The following TENM2 variants were observed in gnomAD, a reference collection of about 807,000 sequenced individuals.
TENM2 encodes teneurin-2.
A neutral mutation model predicts 245.2 loss-of-function variants in TENM2; 52 were observed. The observed-to-expected ratio is 0.21, with a 90% CI of 0.17 to 0.27. TENM2 has a LOEUF of 0.27. Among genes scored for constraint, TENM2 ranks in the 10% least tolerant of loss-of-function variants. TENM2 has a pLI of 1.00. For synonymous variants in TENM2, 1,363 were observed against 1,438.9 expected, an observed-to-expected ratio of 0.95 and a Z score of 1.19; for missense variants, 3,046 against 3,666.8, an observed-to-expected ratio of 0.83 and a Z score of 4.37.
At position 168,030,158 on chromosome 5, in the gene TENM2, C is replaced by CTTTTTTTTTTTTTTTTTTTTTTTT. The variant is rs540326142; in HGVS notation, c.1187-17263_1187-17240dup. On this transcript the variant is annotated intron_variant, in intron 5 of 28. Coordinates refer to ENST00000518659, the Ensembl canonical transcript of TENM2. ...CTTTGGCCCAAGTCTGGTTCTGGCT[C>CTTTTTTTTTTTTTTTTTTTTTTTT]TTTTTTTTTTTTTTTTTTTTTTTTT... 4.3e-4 allele frequency among the ~76,000 whole-genome samples: 28 copies of CTTTTTTTTTTTTTTTTTTTTTTTT among 65,288 alleles called. 1 individual carries two copies. Among genetic ancestry groups the CTTTTTTTTTTTTTTTTTTTTTTTT allele is most frequent in the East Asian group, 2.7e-3 (3 of 1,130 alleles). 42.8% of individuals were successfully genotyped at this position (65,288 alleles called of 152,430 possible). A position where few individuals can be genotyped will look rare whatever the true frequency, so the allele number is the denominator to read the frequency against.
intron 5 of TENM2, among the ~76,000 whole-genome samples, chr5:168,030,167 T>TTTTTTTTTTTTTTTTC (rs1786995506): frequency 1.0e-5 from 1 of 97,778 alleles, no homozygotes. Context: ...TCTTTTTTTT[T>TTTTTTTTTTTTTTTTC]TTTTTTTTTT....
At chr5:167,043,181 A>G in the TENM2 span, among the ~76,000 whole-genome samples, 7 of 152,240 alleles carry the variant, frequency 4.6e-5, no homozygotes, top group Non-Finnish European at 1.0e-4. Context: ...GTTTAGCTCA[A>G]CAATCGTTTA....
chr5:167,806,013 C>T lies in TENM2; in HGVS notation c.503-69973C>T, dbSNP rs367826706. 2.4e-4 allele frequency among the ~76,000 whole-genome samples: 36 copies of T among 152,178 alleles called. No homozygotes were observed. The East Asian group carries it at 6.8e-3, about 29-fold the overall frequency. On this transcript the variant is annotated intron_variant, in intron 2 of 28. Transcript: ENST00000518659. ...ATACGCATATTTTATCACAGACAGTCCAAAGTGTGCTCCCAAATGTATCTG... is the reference window on the plus strand; with the variant it reads ...ATACGCATATTTTATCACAGACAGTTCAAAGTGTGCTCCCAAATGTATCTG...
intron 2 of TENM2, among the ~76,000 whole-genome samples, chr5:167,834,680 C>T (rs982792195): frequency 5.5e-5 from 8 of 144,428 alleles, no homozygotes; most frequent in Admixed American, 1.4e-4. Flanking sequence ...GACGGAGTCT[C>T]GCTCTGTAGC....
At chr5:167,200,906 A>G in the TENM2 span, among the ~76,000 whole-genome samples, 1 of 152,194 alleles carries the variant, frequency 6.6e-6, no homozygotes, top group African/African-American at 2.4e-5. Flanking sequence ...CAGAAAAGTA[A>G]GAAAGGCATT....
intron 17 of TENM2, among the ~76,000 whole-genome samples, chr5:168,202,048 A>T (rs1761983889): frequency 6.6e-6 from 1 of 152,138 alleles, no homozygotes. Context: ...ATCAAGAGGC[A>T]CCTAAAGTCA....
the TENM2 span, among the ~76,000 whole-genome samples, chr5:167,186,655 T>A: frequency 1.3e-5 from 2 of 152,186 alleles, no homozygotes; most frequent in Non-Finnish European, 2.9e-5. Context: ...CCTGGACTGA[T>A]GAGCTGAATG....
chr5:167,124,917 G>C, the TENM2 span, among the ~76,000 whole-genome samples: 2 of 152,104 alleles, frequency 1.3e-5, no homozygotes, highest in Non-Finnish European at 2.9e-5. Flanking sequence ...TTCATCATGG[G>C]CATCACAGTT....
At chr5:167,428,707 ACT>A (rs1297577940) in intron 2 of TENM2, among the ~76,000 whole-genome samples, 1 of 152,110 alleles carries the variant, frequency 6.6e-6, no homozygotes, top group Non-Finnish European at 1.5e-5. Flanking sequence ...TTAGTATATA[ACT>A]CTGAACAATG....
At chr5:168,166,589 T>C (rs1758327273) in intron 13 of TENM2, among the ~76,000 whole-genome samples, 1 of 152,182 alleles carries the variant, frequency 6.6e-6, no homozygotes, top group Non-Finnish European at 1.5e-5. Context: ...GAGCTCCTGA[T>C]TCTCTAAGTC....
the TENM2 span, among the ~76,000 whole-genome samples, chr5:167,279,514 T>TTCCCTTCCTTCCTTCCTTCC: frequency 3.9e-3 from 382 of 98,294 alleles, 11 homozygotes; most frequent in African/African-American, 0.014. Context: ...CCTTCCTTCC[T>TTCCCTTCCTTCCTTCCTTCC]TTCCTTCCTT....
chr5:167,741,502 T>C (rs967724630), intron 2 of TENM2, among the ~76,000 whole-genome samples: 1 of 152,208 alleles, frequency 6.6e-6, no homozygotes, highest in Non-Finnish European at 1.5e-5. Flanking sequence ...GGGCAATGTC[T>C]GCAGCAAGTC....
intron 2 of TENM2, among the ~76,000 whole-genome samples, chr5:167,494,874 C>T (rs1768703292): frequency 6.6e-6 from 1 of 152,032 alleles, no homozygotes; most frequent in African/African-American, 2.4e-5. Context: ...ATTCAACCAA[C>T]TGCAATAATT....
chr5:167,211,308 T>C, the TENM2 span, among the ~76,000 whole-genome samples: 1 of 152,192 alleles, frequency 6.6e-6, no homozygotes, highest in Non-Finnish European at 1.5e-5. Context: ...ATAAAATATA[T>C]GTGATAGTTT....
At chr5:167,705,676 A>G (rs1251750965) in intron 2 of TENM2, among the ~76,000 whole-genome samples, 1 of 152,126 alleles carries the variant, frequency 6.6e-6, no homozygotes, top group Non-Finnish European at 1.5e-5. Context: ...AAACTTAGTG[A>G]TAATTTAGGC....
rs373398577 is a variant in TENM2, at chr5:167,952,638, C to G, written c.763C>G (p.Pro255Ala). The G allele has an allele frequency of 1.5e-5, 25 of 1,613,170 alleles. No individual in the cohort carries two copies. In the East Asian group the frequency reaches 3.1e-4, roughly 20 times the overall value. The stretch of plus-strand genomic sequence containing the variant: ...GACTCTGAGGCCCCCTCTCCCACCC[C>G]CTCACAACCACACGCTGTCCCATCA... The change falls in exon 4 of 29, where the codon CCT becomes GCT. Residue 255 changes from proline to alanine, a missense_variant. Around this residue, in one of 2 missense-constraint regions of TENM2, gnomAD observed 342 missense variants for 335.0 expected, o/e 1.02. Coordinates refer to ENST00000518659, the Ensembl canonical transcript of TENM2.
At chr5:167,690,894 T>C (rs1233022706) in intron 2 of TENM2, among the ~76,000 whole-genome samples, 2 of 151,690 alleles carry the variant, frequency 1.3e-5, no homozygotes, top group East Asian at 3.9e-4. Flanking sequence ...TATATGTATA[T>C]ATTTGTATAT....
chr5:167,113,247 G>A, the TENM2 span, among the ~76,000 whole-genome samples: 1 of 152,138 alleles, frequency 6.6e-6, no homozygotes, highest in African/African-American at 2.4e-5. Flanking sequence ...AGTGAGAGCT[G>A]CAAAGGGAAT....
the TENM2 span, among the ~76,000 whole-genome samples, chr5:167,115,191 G>A: frequency 2.0e-5 from 3 of 152,248 alleles, no homozygotes; most frequent in East Asian, 1.9e-4. Context: ...AGGAGACTCC[G>A]AAGAAGTTAG....
Sources: gnomAD v4.1 joint callset for allele counts (sites outside exome capture counted in the v4.1 genomes callset) on GRCh38, gnomAD v4.1.1 for gene constraint, gnomAD v4.1.1 regional missense constraint, MANE v1.5 for transcripts, NCBI Gene and HGNC (gene_info 2026-07-23, HGNC 2026-07-21) for gene names.